PCDH15: variants seen among roughly 807,000 people sequenced by gnomAD.
The protein encoded by PCDH15 is protocadherin-15.
In PCDH15, 129 loss-of-function variants were observed where a neutral mutation model predicts 178.5. The observed-to-expected ratio is 0.72, with a 90% CI of 0.63 to 0.84. PCDH15 has a LOEUF of 0.84. Among genes scored for constraint, PCDH15 ranks in the 40% least tolerant of loss-of-function variants. PCDH15 has a pLI of 0.00. For synonymous variants in PCDH15, 800 were observed against 732.0 expected (o/e 1.09, Z -1.50); for missense variants, 2,230 against 2,099.9 (o/e 1.06, Z -1.21).
At chr10:54,311,034 G>A (rs1052811028) in intron 8 of PCDH15, among the ~76,000 whole-genome samples, 1 of 152,036 alleles carries the variant, frequency 6.6e-6, no homozygotes, top group African/African-American at 2.4e-5. Context: ...AAGCTTCCCC[G>A]GAGGGAGAGG....
At chr10:55,489,441 G>T (rs1263315240) in intron 2 of PCDH15, among the ~76,000 whole-genome samples, 1 of 151,522 alleles carries the variant, frequency 6.6e-6, no homozygotes, top group Admixed American at 6.6e-5. Context: ...CTTTTTCAGA[G>T]AATATCTTCA....
rs1554905694 is a variant in PCDH15, at chr10:54,332,376, A to AT, written c.595-2671_595-2670insA. Among the ~76,000 whole-genome samples, 2 of 27,798 alleles carry AT rather than the reference A, an allele frequency of 7.2e-5. 1 individual carries two copies. Among genetic ancestry groups the AT allele is most frequent in the Non-Finnish European group, 1.8e-4 (2 of 11,350 alleles). 18.2% of individuals were successfully genotyped at this position (27,798 alleles called of 152,430 possible). ...ATAATATAATCTATATTATATATATAATATATATATAGTAAATTTTCTGCA... is the reference window on the plus strand; with the variant it reads ...ATAATATAATCTATATTATATATATATATATATATATAGTAAATTTTCTGCA... On this transcript the variant is annotated intron_variant, in intron 6 of 37. Transcript: ENST00000644397.
chr10:54,821,001 G>A (rs2133740116), intron 3 of PCDH15, among the ~76,000 whole-genome samples: 1 of 152,020 alleles, frequency 6.6e-6, no homozygotes, highest in South Asian at 2.1e-4. Context: ...AAACACACAT[G>A]ATGGATACAG....
chr10:54,989,504 T>A (rs995163227), intron 2 of PCDH15, among the ~76,000 whole-genome samples: 1 of 152,194 alleles, frequency 6.6e-6, no homozygotes, highest in Admixed American at 6.5e-5. Context: ...ACCTCTTGTA[T>A]CAGCATGACC....
chr10:54,507,418 T>C (rs1487065928), intron 3 of PCDH15, among the ~76,000 whole-genome samples: 1 of 151,914 alleles, frequency 6.6e-6, no homozygotes, highest in Non-Finnish European at 1.5e-5. Flanking sequence ...CTTAGTGTTT[T>C]ATTTTATAAT....
chr10:53,937,403 C>CT (rs2085671557), intron 25 of PCDH15, among the ~76,000 whole-genome samples: 1 of 152,116 alleles, frequency 6.6e-6, no homozygotes, highest in Admixed American at 6.6e-5. Flanking sequence ...AGAGTTACTC[C>CT]AACCTTTCCA....
intron 2 of PCDH15, among the ~76,000 whole-genome samples, chr10:54,584,372 G>A (rs1288208433): frequency 1.3e-5 from 2 of 152,004 alleles, no homozygotes; most frequent in Non-Finnish European, 2.9e-5. Flanking sequence ...ACTGTACTCA[G>A]GCCTAGGTGA....
At chr10:54,956,456 C>T (rs185665814) in intron 2 of PCDH15, among the ~76,000 whole-genome samples, 2 of 151,504 alleles carry the variant, frequency 1.3e-5, no homozygotes, top group Admixed American at 1.3e-4. Context: ...ATTGAACTTA[C>T]ATACACTTAA....
chr10:55,265,313 T>G (rs1009495130), intron 1 of PCDH15, among the ~76,000 whole-genome samples: 7 of 148,954 alleles, frequency 4.7e-5, no homozygotes, highest in African/African-American at 1.2e-4. Context: ...ATCTCTATGA[T>G]ATATATATAT....
chr10:54,183,169 C>T (rs981852780), intron 13 of PCDH15, among the ~76,000 whole-genome samples: 8 of 152,074 alleles, frequency 5.3e-5, no homozygotes, highest in Admixed American at 1.3e-4. Flanking sequence ...TTAGTAGAGA[C>T]AGCGTTGGTC....
At chr10:55,464,668 G>GTA (rs1470698840) in intron 2 of PCDH15, among the ~76,000 whole-genome samples, 1 of 145,920 alleles carries the variant, frequency 6.9e-6, no homozygotes, top group Non-Finnish European at 1.5e-5. Flanking sequence ...GTGTGTGTGT[G>GTA]TATATATATA....
chr10:53,863,818 A>G (rs1212896820), intron 27 of PCDH15, among the ~76,000 whole-genome samples: 1 of 152,192 alleles, frequency 6.6e-6, no homozygotes, highest in East Asian at 1.9e-4. Context: ...AAGTAGAGGT[A>G]CAGGCTTTAG....
At chr10:53,916,862 A>G (rs1460782737) in intron 25 of PCDH15, among the ~76,000 whole-genome samples, 1 of 152,158 alleles carries the variant, frequency 6.6e-6, no homozygotes, top group Non-Finnish European at 1.5e-5. Flanking sequence ...TTACTATTTC[A>G]TATATGCCTC....
At chr10:54,863,439 G>A (rs1156967782) in intron 3 of PCDH15, among the ~76,000 whole-genome samples, 1 of 152,162 alleles carries the variant, frequency 6.6e-6, no homozygotes, top group Admixed American at 6.5e-5. Flanking sequence ...CTACTCGGGA[G>A]GCTGAGGCAG....
chr10:55,130,233 A>G (rs189897493), intron 2 of PCDH15, among the ~76,000 whole-genome samples: 1 of 152,186 alleles, frequency 6.6e-6, no homozygotes, highest in African/African-American at 2.4e-5. Context: ...TGCTTTAGGT[A>G]AGTGGTCAAG....
intron 8 of PCDH15, among the ~76,000 whole-genome samples, chr10:54,311,665 C>T (rs374536420): frequency 6.6e-6 from 1 of 152,000 alleles, no homozygotes; most frequent in East Asian, 1.9e-4. Flanking sequence ...TAGCAGAGTA[C>T]TATGAATTGC....
At chr10:54,699,505 T>TTTTC (rs1282337967) in intron 1 of PCDH15, among the ~76,000 whole-genome samples, 17 of 152,048 alleles carry the variant, frequency 1.1e-4, no homozygotes, top group Non-Finnish European at 1.5e-4. Flanking sequence ...TTATTTTTTA[T>TTTTC]TGTTCTATGA....
chr10:55,203,090 T>C (rs1034314151), intron 1 of PCDH15, among the ~76,000 whole-genome samples: 1 of 152,152 alleles, frequency 6.6e-6, no homozygotes, highest in African/African-American at 2.4e-5. Flanking sequence ...CCCTCTGAGA[T>C]ACCAGCGCCA....
chr10:54,352,953 T>A (rs924407206), intron 5 of PCDH15, among the ~76,000 whole-genome samples: 3 of 152,144 alleles, frequency 2.0e-5, no homozygotes, highest in Non-Finnish European at 2.9e-5. Context: ...GGAAATATGC[T>A]TTAGAAATGG....
Sources: allele counts gnomAD v4.1 joint callset (sites outside exome capture counted in the v4.1 genomes callset), GRCh38; gene constraint gnomAD v4.1.1; transcripts MANE v1.5; gene names NCBI Gene and HGNC (gene_info 2026-07-23, HGNC 2026-07-21).